ADCY6: variants seen among roughly 807,000 people sequenced by gnomAD.
ADCY6 encodes adenylate cyclase 6, also known as adenylate cyclase type 6.
A neutral mutation model predicts 111.6 loss-of-function variants in ADCY6; 59 were observed. That is an observed-to-expected ratio of 0.53 (90% CI 0.43 to 0.66). The LOEUF (loss-of-function observed/expected upper bound fraction) is 0.66. ADCY6 is among the 30% of genes least tolerant of loss of function. The pLI is 0.00. For missense variants in ADCY6, 1,242 were observed against 1,595.6 expected (o/e 0.78, Z 3.78); for synonymous variants, 576 against 642.9 (o/e 0.90, Z 1.57).
chr12:48,774,526 C>A lies in ADCY6; in HGVS notation c.2167-8G>T, dbSNP rs371297430. ...CAGGGCCTTAGGGAACAGCTAGAGG[C>A]ATCAAGAGACCAAGAGTTGAAGGTT... On this transcript the variant is annotated splice_polypyrimidine_tract_variant and splice_region_variant and intron_variant, in intron 13 of 21. Coordinates refer to ENST00000357869, the MANE Select transcript of ADCY6 (RefSeq NM_015270.5). 22 of 1,611,854 alleles carry A rather than the reference C, an allele frequency of 1.4e-5. No individual in the cohort carries two copies. The African/African-American group carries it at 2.4e-4, about 18-fold the overall frequency.
At position 48,775,429 on chromosome 12, in the gene ADCY6, C is replaced by A; in HGVS notation, c.1854G>T (p.Leu618=). Residue 618 remains leucine, a synonymous_variant, in exon 11 of 22, where the codon CTG becomes CTT. Coordinates refer to ENST00000357869, the MANE Select transcript of ADCY6 (RefSeq NM_015270.5). ...SKDNRGTQDA[L]NPEDEVDEFL... is the part of the protein sequence containing the mutation. The stretch of plus-strand genomic sequence containing the variant: ...ACTCATCCACCTCATCCTCAGGGTT[C>A]AGGGCATCTTGGGTGCCCCGGCTGA... The A allele has an allele frequency of 1.2e-6, 2 of 1,614,128 alleles. No individual in the cohort carries two copies. The highest frequency in any genetic ancestry group is 1.7e-6 in the Non-Finnish European group (2 of 1,180,014).
chr12:48,785,041 G>T (rs1371944716), intron 1 of ADCY6, among the ~76,000 whole-genome samples: 1 of 152,100 alleles, frequency 6.6e-6, no homozygotes, highest in East Asian at 1.9e-4. Flanking sequence ...TGTTCCCTCT[G>T]TCTGGAACAA....
At position 48,776,501 on chromosome 12, in the gene ADCY6, G is replaced by T. The variant is rs751759088; in HGVS notation, c.1462C>A (p.Arg488=). Residue 488 remains arginine (R), a synonymous_variant, in exon 7 of 22, where the codon CGG becomes AGG. Transcript: ENST00000357869. The surrounding 1 kb of genome is among the most constrained non-coding windows in gnomAD (Gnocchi z 6.1). ...GACCACACATCGAACTGCCATTTCC[G>T]CAAGCCAAGGACGCCGCAGTGCACG... ...GRVHCGVLGL[R]KWQFDVWSND... 3 of 1,612,834 alleles carry T rather than the reference G, an allele frequency of 1.9e-6. No homozygotes were observed. Among genetic ancestry groups the T allele is most frequent in the East Asian group, 2.2e-5 (1 of 44,830 alleles).
In ADCY6 at chr12:48,773,765, A is replaced by T. The variant is rs1045956918; in HGVS notation, c.2443-118T>A. Reference sequence around the variant, plus strand: ...TTCCCACCACACCCCTCAAACCCCCATATCCTCCACCTTCCATGCCCAGCC... The same window carrying T: ...TTCCCACCACACCCCTCAAACCCCCTTATCCTCCACCTTCCATGCCCAGCC... On this transcript the variant is annotated intron_variant, in intron 15 of 21. Coordinates refer to ENST00000357869, the MANE Select transcript of ADCY6 (RefSeq NM_015270.5). 3.4e-6 allele frequency: 5 copies of T among 1,456,538 alleles called. No individual in the cohort carries two copies. The African/African-American group carries it at 7.0e-5, about 20-fold the overall frequency. 90.2% of individuals were successfully genotyped at this position (1,456,538 alleles called of 1,614,324 possible).
chr12:48,773,354 C>T (rs1475337738), intron 16 of ADCY6, 115 bp downstream of exon 16: 1 of 1,206,170 alleles, frequency 8.3e-7, no homozygotes, highest in East Asian at 2.4e-5. Context: ...CTTTCCCCCA[C>T]AGGGGTGTTG....
In ADCY6 at chr12:48,772,409, C is replaced by T. The variant is rs376944107; in HGVS notation, c.2673G>A (p.Arg891=). The change falls in exon 18 of 22, where the codon AGG becomes AGA. Residue 891 remains arginine, a synonymous_variant. Transcript: ENST00000357869. Reference sequence around the variant, plus strand: ...CAGGGGTCATATATTTGAGGGCCACCCTCCCTGCAGCTGGACTAAGGATAA... The same window carrying T: ...CAGGGGTCATATATTTGAGGGCCACTCTCCCTGCAGCTGGACTAAGGATAA... ...FDGLDCPAAG[R]VALKYMTPVI... The T allele has an allele frequency of 2.0e-5, 32 of 1,614,036 alleles. No homozygotes were observed. In the African/African-American group the frequency reaches 3.6e-4, roughly 18 times the overall value.
At position 48,777,085 on chromosome 12, in the gene ADCY6, G is replaced by C. The variant is rs377470873; in HGVS notation, c.1376+19C>G. The C allele has an allele frequency of 3.2e-6, 5 of 1,565,638 alleles. No individual in the cohort carries two copies. Among genetic ancestry groups the C allele is most frequent in the Non-Finnish European group, 4.3e-6 (5 of 1,154,300 alleles). ...GGCACCCGCAATTCCAGGAAGCCTAGGAATGGGGCACTGCTTACGAGATGG... is the reference window on the plus strand; with the variant it reads ...GGCACCCGCAATTCCAGGAAGCCTACGAATGGGGCACTGCTTACGAGATGG... On this transcript the variant is annotated intron_variant, in intron 6 of 21. Transcript: ENST00000357869. The surrounding 1 kb of genome is among the most constrained non-coding windows in gnomAD (Gnocchi z 4.9).
chr12:48,775,723 G>C, intron 9 of ADCY6, 25 bp from the exon 10 acceptor site: 1 of 1,610,768 alleles, frequency 6.2e-7, no homozygotes, highest in Non-Finnish European at 8.5e-7. Context: ...AGAGTGTGGA[G>C]TGAGGTGAAG....
intron 1 of ADCY6, among the ~76,000 whole-genome samples, chr12:48,785,324 C>T (rs1334467264): frequency 2.0e-5 from 3 of 152,196 alleles, no homozygotes; most frequent in Non-Finnish European, 4.4e-5. Context: ...AGGACCTAAA[C>T]AAGTGTTCAT....
Position 48,782,873 on chromosome 12 carries a change from CGG to C in ADCY6, c.560_561del (p.Ala187GlyfsTer12). 6.2e-7 allele frequency: 1 copy of C among 1,613,978 alleles called. No homozygotes were observed. The highest frequency in any genetic ancestry group is 2.2e-5 in the East Asian group (1 of 44,884). The part of the protein sequence containing the change: ...QPAYVALLAC[A>X]AALFVGLMVV... ...ACCATGAGCCCCACGAACAGGGCGG[CGG>C]CACAGGCCAACAGTGCCACATAGGC... On this transcript the variant is annotated frameshift_variant, in exon 2 of 22. Coordinates refer to ENST00000357869, the MANE Select transcript of ADCY6 (RefSeq NM_015270.5). LOFTEE classifies it high-confidence loss of function. The surrounding 1 kb of genome is among the most constrained non-coding windows in gnomAD (Gnocchi z 4.3).
At chr12:48,775,621 A>C in intron 10 of ADCY6, 52 bp downstream of exon 10, 1 of 1,598,100 alleles carries the variant, frequency 6.3e-7, no homozygotes. Context: ...GGCTCCCCCC[A>C]GCCCCATCCC....
rs755164189 is a variant in ADCY6, at chr12:48,778,270, G to A, written c.865-13C>T. 10 of 1,613,848 alleles carry A rather than the reference G, an allele frequency of 6.2e-6. No homozygotes were observed. The highest frequency in any genetic ancestry group is 8.5e-6 in the Non-Finnish European group (10 of 1,180,008). On this transcript the variant is annotated splice_polypyrimidine_tract_variant and intron_variant, in intron 2 of 21. Transcript: ENST00000357869. ...CATTGGCACCGAGCTGCAGGAGGTG[G>A]CAGAGGCAGACAGTGACCATCTCCT...
rs201102889 is a variant in ADCY6 at position 48,777,147 on chromosome 12, G to T, written c.1333C>A (p.His445Asn). 7.3e-5 allele frequency: 117 copies of T among 1,613,700 alleles called. No homozygotes were observed. The highest frequency in any genetic ancestry group is 1.9e-5 in the Non-Finnish European group (22 of 1,179,838). Reference protein sequence around the residue: ...GLPEARADHAHCCVEMGVDMI... With the variant: ...GLPEARADHANCCVEMGVDMI... Reference sequence around the variant, plus strand: ...TCTACCCCCATCTCCACACAGCAGTGGGCATGGTCGGCCCGGGCCTCCGGC... The same window carrying T: ...TCTACCCCCATCTCCACACAGCAGTTGGCATGGTCGGCCCGGGCCTCCGGC... Residue 445 changes from histidine to asparagine, a missense_variant, in exon 6 of 22, where the codon CAC (histidine) becomes AAC (asparagine). Coordinates refer to ENST00000357869, the MANE Select transcript of ADCY6 (RefSeq NM_015270.5). The surrounding 1 kb of genome is among the most constrained non-coding windows in gnomAD (Gnocchi z 4.9).
chr12:48,775,932 G>C, intron 9 of ADCY6, 31 bp downstream of exon 9: 1 of 1,577,966 alleles, frequency 6.3e-7, no homozygotes, highest in South Asian at 1.2e-5. Context: ...AAGAAAATGA[G>C]GCCCTAGGTC....
chr12:48,783,857 G>A, intron 1 of ADCY6: 1 of 182,672 alleles, frequency 5.5e-6, no homozygotes, highest in South Asian at 1.1e-4. Context: ...GGCCCTGGCA[G>A]GTAGATCACA....
At position 48,776,552 on chromosome 12, in the gene ADCY6, T is replaced by A. The variant is rs1402165393; in HGVS notation, c.1411A>T (p.Met471Leu). 2 of 1,612,896 alleles carry A rather than the reference T, an allele frequency of 1.2e-6. No homozygotes were observed. The highest frequency in any genetic ancestry group is 2.7e-5 in the African/African-American group (2 of 74,924). ...CGCCCGCTGTGGATGCCCACGCGCA[T>A]GTTCACATTCACACCTGTCACCTCA... is the stretch of plus-strand genomic sequence containing the variant. Reference protein sequence around the residue: ...VREVTGVNVNMRVGIHSGRVH... With the variant: ...VREVTGVNVNLRVGIHSGRVH... The change falls in exon 7 of 22, where the codon ATG becomes TTG. Residue 471 changes from methionine to leucine, a missense_variant. Coordinates refer to ENST00000357869, the MANE Select transcript of ADCY6 (RefSeq NM_015270.5). The surrounding 1 kb of genome is among the most constrained non-coding windows in gnomAD (Gnocchi z 6.1).
chr12:48,780,681 C>A (rs920881493), intron 2 of ADCY6, among the ~76,000 whole-genome samples: 4 of 152,180 alleles, frequency 2.6e-5, no homozygotes, highest in Non-Finnish European at 1.5e-5. Flanking sequence ...CAGATGCCCA[C>A]CCAGCCCATG....
In ADCY6 at chr12:48,771,675, C is replaced by A. The variant is rs775241937; in HGVS notation, c.3051+35G>T. On this transcript the variant is annotated intron_variant, in intron 19 of 21. Transcript: ENST00000357869. This position sits in a 1 kb window ranked among gnomAD's most constrained non-coding sequence, Gnocchi z 4.3. The stretch of plus-strand genomic sequence containing the variant: ...CAATCCCTGGTCTCCAAGTACCCCC[C>A]ACTCTCTGCCACCACCAGCCAACTG... The A allele has an allele frequency of 2.5e-6, 4 of 1,612,760 alleles. No individual in the cohort carries two copies. Among genetic ancestry groups the A allele is most frequent in the East Asian group, 2.2e-5 (1 of 44,886 alleles).
chr12:48,787,350 T>C (rs1163946549), intron 1 of ADCY6, among the ~76,000 whole-genome samples: 2 of 150,924 alleles, frequency 1.3e-5, no homozygotes, highest in Non-Finnish European at 2.9e-5. Context: ...TGGCTCATAC[T>C]CACAGAGAAA....
Sources: allele counts gnomAD v4.1 joint callset (sites outside exome capture counted in the v4.1 genomes callset), GRCh38; gene constraint gnomAD v4.1.1; non-coding constraint Gnocchi (gnomAD v3.1); transcripts MANE v1.5; gene names NCBI Gene and HGNC (gene_info 2026-07-23, HGNC 2026-07-21).